Variants in EP300 observed in about 807,000 individuals in gnomAD.
The protein encoded by EP300 is EP300 lysine acetyltransferase, also known as histone acetyltransferase p300.
Under a neutral mutation model 264.0 loss-of-function variants are expected in EP300, and 31 were observed. That is an observed-to-expected ratio of 0.12 (90% CI 0.09 to 0.16). EP300 has a LOEUF of 0.16. Among genes scored for constraint, EP300 ranks in the 10% least tolerant of loss-of-function variants. EP300 has a pLI of 1.00. For missense variants in EP300, 2,766 were observed against 3,052.9 expected, an observed-to-expected ratio of 0.91 and a Z score of 2.21; for synonymous variants, 1,340 against 1,045.4, an observed-to-expected ratio of 1.28 and a Z score of -5.44.
At chr22:41,113,557 A>G (rs945301983) in intron 1 of EP300, among the ~76,000 whole-genome samples, 3 of 152,098 alleles carry the variant, frequency 2.0e-5, no homozygotes, top group African/African-American at 7.2e-5. Flanking sequence ...TATTATTATT[A>G]TTTTTTTGAG....
intron 1 of EP300, among the ~76,000 whole-genome samples, chr22:41,108,260 T>C (rs1296144812): frequency 6.8e-6 from 1 of 147,064 alleles, no homozygotes; most frequent in Non-Finnish European, 1.5e-5. Context: ...TTTTTTTTTT[T>C]TTTTTTGAGA....
At chr22:41,167,629 T>TATATATATATAA in intron 23 of EP300, among the ~76,000 whole-genome samples, 1 of 106,320 alleles carries the variant, frequency 9.4e-6, no homozygotes, top group Non-Finnish European at 1.8e-5. Context: ...TATATATATA[T>TATATATATATAA]ATATATAATG....
Position 41,092,845 on chromosome 22 carries a change from A to T in EP300, c.-160A>T. 1.3e-6 allele frequency: 1 copy of T among 799,996 alleles called. No homozygotes were observed. The highest frequency in any genetic ancestry group is 2.2e-6 in the Non-Finnish European group (1 of 455,340). 49.6% of individuals were successfully genotyped at this position (799,996 alleles called of 1,614,324 possible). The stretch of plus-strand genomic sequence containing the variant: ...ATCGAGTCCGCATCCCTCTCCAGCC[A>T]CTGCGACCCGGCGAAGAGAAAAAGG... On this transcript the variant is annotated 5_prime_UTR_variant, in exon 1 of 31. Transcript: ENST00000263253.
In EP300 at chr22:41,149,157, T is replaced by C. The variant is rs2145736180; in HGVS notation, c.2361T>C (p.Gly787=). 6.2e-7 allele frequency: 1 copy of C among 1,614,006 alleles called. No homozygotes were observed. Among genetic ancestry groups the C allele is most frequent in the Non-Finnish European group, 8.5e-7 (1 of 1,180,002 alleles). ...VTNIPLAPSS[G]QAPVSQAQMS... ...ATATCCCTTTGGCTCCGTCCAGCGGTCAAGCTCCAGTGTCTCAAGTATGTC... is the reference window on the plus strand; with the variant it reads ...ATATCCCTTTGGCTCCGTCCAGCGGCCAAGCTCCAGTGTCTCAAGTATGTC... The change falls in exon 13 of 31, where the codon GGT becomes GGC. Residue 787 remains glycine (G), a synonymous_variant. Transcript: ENST00000263253.
chr22:41,177,844 A>G lies in EP300; in HGVS notation c.6133A>G (p.Thr2045Ala). The change falls in exon 31 of 31, where the codon ACT becomes GCT. Residue 2045 changes from threonine to alanine, a missense_variant. Transcript: ENST00000263253. ...QVGISPLKPG[T>A]VSQQALQNLL... ...AGGTATCAGCCCACTCAAACCAGGC[A>G]CTGTGTCTCAACAAGCCTTACAAAA... 6.2e-7 allele frequency: 1 copy of G among 1,614,146 alleles called. No individual in the cohort carries two copies. Among genetic ancestry groups the G allele is most frequent in the Non-Finnish European group, 8.5e-7 (1 of 1,180,018 alleles).
At chr22:41,131,712 T>A in intron 6 of EP300, 79 bp downstream of exon 6, 1 of 1,593,278 alleles carries the variant, frequency 6.3e-7, no homozygotes, top group Non-Finnish European at 8.6e-7. Flanking sequence ...TGTTAGCTCC[T>A]TTTTATTTTT....
At chr22:41,159,278 A>T (rs978764156) in intron 19 of EP300, 1 of 152,226 alleles carries the variant, frequency 6.6e-6, no homozygotes, top group Non-Finnish European at 1.5e-5. Flanking sequence ...TACCAAATCC[A>T]TGGTGTTGGT....
chr22:41,138,081 CTT>C (rs2058962168), intron 8 of EP300, among the ~76,000 whole-genome samples: 1 of 152,154 alleles, frequency 6.6e-6, no homozygotes, highest in African/African-American at 2.4e-5. Context: ...CTTTGCAAAA[CTT>C]ATATATCTAA....
rs750219186 is a variant in EP300 at position 41,149,742 on chromosome 22, A to G, written c.2380-19A>G. On this transcript the variant is annotated intron_variant, in intron 13 of 30. Transcript: ENST00000263253. ...TTCTGTTCTGAATTGCTGTCTTGTT[A>G]TGTTTTTTATTTTAACAGGCACAAA... The G allele has an allele frequency of 1.2e-6, 2 of 1,612,912 alleles. No homozygotes were observed. The highest frequency in any genetic ancestry group is 2.2e-5 in the East Asian group (1 of 44,888).
chr22:41,178,021 C>T lies in EP300; in HGVS notation c.6310C>T (p.Pro2104Ser), dbSNP rs375274986. ...NSNPQPIPGQ[P>S]GMPQGQPGLQ... ...TAATCCACAACCCATCCCTGGGCAG[C>T]CTGGCATGCCCCAGGGGCAGCCAGG... is the stretch of plus-strand genomic sequence containing the variant. Residue 2104 changes from proline (P) to serine (S), a missense_variant, in exon 31 of 31, where the codon CCT becomes TCT. Coordinates refer to ENST00000263253, the MANE Select transcript of EP300 (RefSeq NM_001429.4). 1 of 1,614,054 alleles carries T rather than the reference C, an allele frequency of 6.2e-7. No individual in the cohort carries two copies. Among genetic ancestry groups the T allele is most frequent in the Admixed American group, 1.7e-5 (1 of 60,014 alleles).
chr22:41,163,279 C>T (rs1272541071), intron 21 of EP300, among the ~76,000 whole-genome samples: 1 of 150,156 alleles, frequency 6.7e-6, no homozygotes, highest in Non-Finnish European at 1.5e-5. Flanking sequence ...ACTAAAAATA[C>T]AAAAAATTAG....
chr22:41,173,155 A>G (rs370795099), intron 28 of EP300, among the ~76,000 whole-genome samples: 1 of 152,220 alleles, frequency 6.6e-6, no homozygotes, highest in African/African-American at 2.4e-5. Flanking sequence ...CCTCCATTGA[A>G]TTTAACTTAA....
At position 41,093,073 on chromosome 22, in the gene EP300, C is replaced by G. The variant is rs543993838; in HGVS notation, c.69C>G (p.Leu23=). 1 of 1,614,030 alleles carries G rather than the reference C, an allele frequency of 6.2e-7. No homozygotes were observed. The change falls in exon 1 of 31, where the codon CTC becomes CTG. Residue 23 remains leucine, a synonymous_variant. Coordinates refer to ENST00000263253, the MANE Select transcript of EP300 (RefSeq NM_001429.4). ...GGCCTAAACTCTCATCTCCGGCCCT[C>G]TCGGCGTCCGCCAGCGATGGCACAG... ...AKRPKLSSPA[L]SASASDGTDF...
At chr22:41,147,782 T>A (rs973422883) in intron 11 of EP300, 55 bp from the exon 12 acceptor site, 5 of 1,186,980 alleles carry the variant, frequency 4.2e-6, no homozygotes, top group Non-Finnish European at 6.3e-6. Context: ...ATTCTATCTT[T>A]TATTATTCAA....
rs529145180 is a variant in EP300, at chr22:41,141,159, A to G, written c.1990A>G (p.Met664Val). The G allele has an allele frequency of 1.1e-4, 182 of 1,614,238 alleles. 2 individuals are homozygous for G. In the South Asian group the frequency reaches 1.9e-3, roughly 17 times the overall value. Residue 664 changes from methionine to valine, a missense_variant, in exon 10 of 31, where the codon ATG becomes GTG. Transcript: ENST00000263253. ...GAACATGCTACCAAATGCTGCAGGCATGGTTCCAGTTTCCATGAATCCAGG... is the reference window on the plus strand; with the variant it reads ...GAACATGCTACCAAATGCTGCAGGCGTGGTTCCAGTTTCCATGAATCCAGG... ...KQNMLPNAAGMVPVSMNPGPN... is the reference protein window; with the variant it reads ...KQNMLPNAAGVVPVSMNPGPN...
At chr22:41,145,490 G>A (rs185618888) in intron 10 of EP300, among the ~76,000 whole-genome samples, 26 of 152,336 alleles carry the variant, frequency 1.7e-4, no homozygotes, top group Admixed American at 7.8e-4. Context: ...TGGCCAGGGT[G>A]GAGCCAGGTC....
rs148308496 is a variant in EP300 at position 41,150,037 on chromosome 22, C to G, written c.2656C>G (p.Pro886Ala). Residue 886 changes from proline to alanine, a missense_variant, in exon 14 of 31, where the codon CCT becomes GCT. By Grantham distance (27) the Pro-to-Ala change is conservative (BLOSUM62 -1). Transcript: ENST00000263253. ...QALHPPPRQTPTPPTTQLPQQ... is the reference protein window; with the variant it reads ...QALHPPPRQTATPPTTQLPQQ... ...TCTACATCCCCCTCCAAGGCAGACA[C>G]CTACACCACCAACAACACAACTTCC... 1 of 1,614,000 alleles carries G rather than the reference C, an allele frequency of 6.2e-7. No individual in the cohort carries two copies. The highest frequency in any genetic ancestry group is 1.3e-5 in the African/African-American group (1 of 75,018).
chr22:41,105,022 C>G (rs1337920438), intron 1 of EP300, among the ~76,000 whole-genome samples: 2 of 151,828 alleles, frequency 1.3e-5, no homozygotes, highest in Non-Finnish European at 2.9e-5. Flanking sequence ...AAAATTAACC[C>G]CGTCTCTACT....
intron 27 of EP300, among the ~76,000 whole-genome samples, 167 bp from the exon 28 acceptor site, chr22:41,172,332 C>G (rs539452063): frequency 2.8e-4 from 43 of 152,278 alleles, no homozygotes; most frequent in African/African-American, 9.9e-4. Context: ...GGCCTTTTCA[C>G]TATTTATTTT....
Sources: allele counts gnomAD v4.1 joint callset (sites outside exome capture counted in the v4.1 genomes callset), GRCh38; gene constraint gnomAD v4.1.1; transcripts MANE v1.5; gene names NCBI Gene and HGNC (gene_info 2026-07-23, HGNC 2026-07-21).